The following C2CD5 variants were observed in gnomAD, a reference collection of about 807,000 sequenced individuals.
C2CD5 encodes the protein C2 calcium dependent domain containing 5.
Under a neutral mutation model 130.3 loss-of-function variants are expected in C2CD5, and 109 were observed. The observed-to-expected ratio is 0.84, with a 90% confidence interval of 0.72 to 0.98. C2CD5 has a LOEUF of 0.98. Among genes scored for constraint, C2CD5 ranks in the 50% least tolerant of loss-of-function variants. The pLI, the probability that C2CD5 is intolerant of heterozygous loss-of-function variation, is 0.00. For synonymous variants in C2CD5, 454 were observed against 429.2 expected (o/e 1.06, Z -0.71); for missense variants, 996 against 1,261.8 (o/e 0.79, Z 3.19).
At position 22,544,396 on chromosome 12, in the gene C2CD5, G is replaced by A. The variant is rs1376473708; in HGVS notation, c.-106C>T. ...GAGAGGCGGCGGGAGGAAGGGCTTT[G>A]ATGGGTTCTTCCGTCCCGGCCCCAC... On this transcript the variant is annotated 5_prime_UTR_variant, in exon 1 of 27. It introduces an in-frame stop codon into an upstream open reading frame of the 5' UTR. Transcript: ENST00000446597. The A allele has an allele frequency of 4.9e-6, 2 of 408,602 alleles. No individual in the cohort carries two copies. Among genetic ancestry groups the A allele is most frequent in the African/African-American group, 4.3e-5 (2 of 46,668 alleles). The allele number at this position is 408,602 out of a possible 1,614,324, so 25.3% of individuals were successfully genotyped here.
intron 11 of C2CD5, among the ~76,000 whole-genome samples, chr12:22,490,432 A>T (rs116749538): frequency 4.7e-4 from 72 of 152,274 alleles, no homozygotes; most frequent in African/African-American, 1.6e-3. Flanking sequence ...TCATAAATTA[A>T]AAACTGAAAA....
In C2CD5 at chr12:22,520,815, G is replaced by A. The variant is rs1357331450; in HGVS notation, c.800+2611C>T. ...GGAAAACACCAAAGGGATTTATAGT[G>A]TGCATGACACTAAACATCAAAAAGA... On this transcript the variant is annotated intron_variant, in intron 7 of 26. Coordinates refer to ENST00000446597, the MANE Select transcript of C2CD5 (RefSeq NM_001286176.2). 2.6e-5 allele frequency among the ~76,000 whole-genome samples: 4 copies of A among 151,936 alleles called. No homozygotes were observed. The East Asian group carries it at 7.7e-4, about 29-fold the overall frequency.
At chr12:22,539,992 CAAAAAAA>C (rs59902224) in intron 2 of C2CD5, among the ~76,000 whole-genome samples, 5 of 90,786 alleles carry the variant, frequency 5.5e-5, no homozygotes, top group Admixed American at 4.0e-4. Context: ...AGCTCCGTCT[CAAAAAAA>C]AAAAAAAAAA....
At chr12:22,523,855 TA>T (rs1210357192) in intron 6 of C2CD5, among the ~76,000 whole-genome samples, 1 of 151,300 alleles carries the variant, frequency 6.6e-6, no homozygotes, top group Non-Finnish European at 1.5e-5. Context: ...AGCACAAATA[TA>T]TAGAATAAAA....
intron 8 of C2CD5, among the ~76,000 whole-genome samples, chr12:22,516,835 A>C (rs1171597324): frequency 6.6e-6 from 1 of 151,810 alleles, no homozygotes; most frequent in South Asian, 2.1e-4. Flanking sequence ...TTTTCACTAC[A>C]ATCTGGATGG....
intron 10 of C2CD5, among the ~76,000 whole-genome samples, chr12:22,504,387 C>T (rs190654495): frequency 6.6e-6 from 1 of 151,742 alleles, no homozygotes; most frequent in Non-Finnish European, 1.5e-5. Context: ...CTACAACCTC[C>T]GCCTCCCGGT....
At chr12:22,482,084 T>C (rs1357449107) in intron 14 of C2CD5, among the ~76,000 whole-genome samples, 1 of 152,152 alleles carries the variant, frequency 6.6e-6, no homozygotes, top group Non-Finnish European at 1.5e-5. Flanking sequence ...GTAATTTTGC[T>C]CCACTCACCA....
At chr12:22,472,405 A>C (rs1943185705) in intron 17 of C2CD5, 58 bp from the exon 18 acceptor site, 7 of 933,508 alleles carry the variant, frequency 7.5e-6, no homozygotes, top group Middle Eastern at 2.9e-4. Flanking sequence ...TTTTGTGTTA[A>C]ATGACATTTT....
chr12:22,504,016 A>G (rs185939236), intron 10 of C2CD5, among the ~76,000 whole-genome samples: 2 of 152,316 alleles, frequency 1.3e-5, no homozygotes, highest in African/African-American at 2.4e-5. Context: ...ACTGGGAGGA[A>G]AGGCAGAGAA....
chr12:22,523,628 CA>C lies in C2CD5; in HGVS notation c.602-5del. 6.2e-7 allele frequency: 1 copy of C among 1,607,640 alleles called. No individual in the cohort carries two copies. Among genetic ancestry groups the C allele is most frequent in the South Asian group, 1.1e-5 (1 of 90,958 alleles). The stretch of plus-strand genomic sequence containing the variant: ...CCAATCTTCCTCTGCAGCTCACCTA[CA>C]AAACATGGGAAATCTCATTCTTGCT... On this transcript the variant is annotated splice_polypyrimidine_tract_variant and splice_region_variant and intron_variant, in intron 6 of 26. Transcript: ENST00000446597.
chr12:22,500,552 T>C (rs1048941781), intron 10 of C2CD5, among the ~76,000 whole-genome samples: 3 of 152,176 alleles, frequency 2.0e-5, no homozygotes, highest in Non-Finnish European at 4.4e-5. Context: ...TTATCTTGTA[T>C]CACACCATAC....
At chr12:22,516,571 GA>G (rs1332901236) in intron 8 of C2CD5, among the ~76,000 whole-genome samples, 2 of 146,554 alleles carry the variant, frequency 1.4e-5, no homozygotes, top group Non-Finnish European at 3.0e-5. Context: ...AAAAAAAAAA[GA>G]AACAAGAAAC....
chr12:22,479,315 C>A (rs1944360291), intron 14 of C2CD5, among the ~76,000 whole-genome samples: 1 of 152,080 alleles, frequency 6.6e-6, no homozygotes, highest in Non-Finnish European at 1.5e-5. Context: ...CTCAATTGAT[C>A]CGCCTGCCTT....
chr12:22,478,453 C>G lies in C2CD5; in HGVS notation c.1762G>C (p.Ala588Pro), dbSNP rs117665966. Residue 588 changes from alanine (A) to proline (P), a missense_variant, in exon 15 of 27, where the codon GCT becomes CCT. Ala to Pro is a conservative substitution (Grantham distance 27, BLOSUM62 -1). Transcript: ENST00000446597. Reference sequence around the variant, plus strand: ...TGAATACCACCAGGAGTTGGTAAAGCTGCTAAATACACACCTGTGGCAGAC... The same window carrying G: ...TGAATACCACCAGGAGTTGGTAAAGGTGCTAAATACACACCTGTGGCAGAC... ...LASATGVYLA[A>P]LPTPGGIQIA... 546 of 1,613,624 alleles carry G rather than the reference C, an allele frequency of 3.4e-4. 4 individuals carry two copies. The East Asian group carries it at 0.011, about 33-fold the overall frequency.
At position 22,490,302 on chromosome 12, in the gene C2CD5, A is replaced by G. The variant is rs545603246; in HGVS notation, c.1263-84T>C. ...TGCTAAATATCAAAATAATTATAAC[A>G]GTGACAATTTAAGTTCAAGTTAGAC... On this transcript the variant is annotated intron_variant, in intron 11 of 26. Coordinates refer to ENST00000446597, the MANE Select transcript of C2CD5 (RefSeq NM_001286176.2). 875 of 909,090 alleles carry G rather than the reference A, an allele frequency of 9.6e-4. 14 individuals are homozygous for G. The South Asian group carries it at 0.013, about 14-fold the overall frequency. The allele number at this position is 909,090 out of a possible 1,614,324, so 56.3% of individuals were successfully genotyped here. A position where few individuals can be genotyped will look rare whatever the true frequency, so the allele number is the denominator to read the frequency against.
At chr12:22,544,273 G>C (rs886851690) in intron 1 of C2CD5, 47 bp downstream of exon 1, 6 of 871,228 alleles carry the variant, frequency 6.9e-6, no homozygotes, top group Non-Finnish European at 9.9e-6. Context: ...GGAGCGCGCG[G>C]GGGCGCGCGC....
chr12:22,492,744 A>G (rs1367073522), intron 11 of C2CD5, among the ~76,000 whole-genome samples: 1 of 152,172 alleles, frequency 6.6e-6, no homozygotes, highest in Non-Finnish European at 1.5e-5. Context: ...ATTTGTCAGT[A>G]TTAGGAAGAA....
chr12:22,516,608 C>T (rs564613316), intron 8 of C2CD5, among the ~76,000 whole-genome samples: 6 of 149,964 alleles, frequency 4.0e-5, no homozygotes, highest in African/African-American at 1.5e-4. Context: ...CAAGGAAATG[C>T]TTTCCAAACT....
intron 9 of C2CD5, 85 bp downstream of exon 9, chr12:22,513,209 C>A (rs1467785019): frequency 3.1e-6 from 3 of 980,332 alleles, no homozygotes; most frequent in East Asian, 4.9e-5. Context: ...CAAAACAGTT[C>A]ATGAAAACAT....
Sources: allele counts gnomAD v4.1 joint callset (sites outside exome capture counted in the v4.1 genomes callset), GRCh38; gene constraint gnomAD v4.1.1; transcripts MANE v1.5; gene names NCBI Gene and HGNC (gene_info 2026-07-23, HGNC 2026-07-21).